Variants in UBR4 observed in about 807,000 individuals in gnomAD.
UBR4 encodes the protein E3 ubiquitin-protein ligase UBR4.
Under a neutral mutation model 575.6 loss-of-function variants are expected in UBR4, and 124 were observed. The observed-to-expected ratio is 0.22, with a 90% CI of 0.19 to 0.25. The LOEUF (loss-of-function observed/expected upper bound fraction) is 0.25. Ranked by LOEUF, UBR4 falls within the 10% of genes least tolerant of loss-of-function variation. The probability of loss-of-function intolerance (pLI) is 1.00; values close to 1 mark genes in which losing one functional copy is unlikely to be tolerated. For synonymous variants in UBR4, 2,455 were observed against 2,473.7 expected (o/e 0.99, Z 0.22); for missense variants, 4,818 against 6,478.8 (o/e 0.74, Z 8.80).
chr1:19,170,896 CA>C lies in UBR4; in HGVS notation c.3522-14del. 6.2e-7 allele frequency: 1 copy of C among 1,614,062 alleles called. No individual in the cohort carries two copies. Among genetic ancestry groups the C allele is most frequent in the South Asian group, 1.1e-5 (1 of 91,078 alleles). On this transcript the variant is annotated splice_polypyrimidine_tract_variant and intron_variant, in intron 25 of 105. Transcript: ENST00000375254. ...CAGCAAATAGGCTCTGGGGAAAAAA[CA>C]GGGGGAAAGTGAAGCCATAAGATTC...
rs576486499 is a variant in UBR4, at chr1:19,083,801, G to A, written c.15008+703C>T. Reference sequence around the variant, plus strand: ...TCCCAAGTGCTGGGATGACAGGCGTGAGCCACCGTGCCTGGCCTAAGTGCT... The same window carrying A: ...TCCCAAGTGCTGGGATGACAGGCGTAAGCCACCGTGCCTGGCCTAAGTGCT... On this transcript the variant is annotated intron_variant, in intron 102 of 105. Transcript: ENST00000375254. 3.9e-5 allele frequency among the ~76,000 whole-genome samples: 6 copies of A among 152,342 alleles called. No individual in the cohort carries two copies. In the South Asian group the frequency reaches 8.3e-4, roughly 21 times the overall value.
At chr1:19,086,621 G>A (rs1289004887) in intron 100 of UBR4, 58 bp downstream of exon 100, 16 of 1,595,920 alleles carry the variant, frequency 1.0e-5, no homozygotes, top group African/African-American at 2.7e-5. Flanking sequence ...AGTCCCACCC[G>A]CTCCAGGCCC....
At chr1:19,183,780 T>A in intron 17 of UBR4, 31 bp downstream of exon 17, 1 of 1,606,424 alleles carries the variant, frequency 6.2e-7, no homozygotes, top group Non-Finnish European at 8.5e-7. Flanking sequence ...TGTCATGAGC[T>A]CTTGCCTAGA....
At chr1:19,114,634 C>A (rs551110666) in intron 75 of UBR4, among the ~76,000 whole-genome samples, 177 bp downstream of exon 75, 94 of 152,364 alleles carry the variant, frequency 6.2e-4, no homozygotes, top group African/African-American at 2.2e-3. Flanking sequence ...CAAACCATGT[C>A]TTTCAATACA....
At chr1:19,177,406 A>G in intron 19 of UBR4, 55 bp downstream of exon 19, 1 of 1,587,552 alleles carries the variant, frequency 6.3e-7, no homozygotes, top group Non-Finnish European at 8.6e-7. Context: ...GTAACCATTG[A>G]GAAGAATAAA....
At chr1:19,151,499 A>C in intron 48 of UBR4, 144 bp downstream of exon 48, 1 of 866,330 alleles carries the variant, frequency 1.2e-6, no homozygotes, top group Non-Finnish European at 1.9e-6. Context: ...TAATACATCA[A>C]ATGAAGCTCA....
At chr1:19,144,994 C>A in intron 53 of UBR4, 87 bp from the exon 54 acceptor site, 1 of 1,507,764 alleles carries the variant, frequency 6.6e-7, no homozygotes, top group Admixed American at 1.8e-5. Flanking sequence ...AACCTTTTAT[C>A]TCCATGTAAA....
chr1:19,102,229 G>C (rs914505414), intron 87 of UBR4, among the ~76,000 whole-genome samples: 2 of 152,198 alleles, frequency 1.3e-5, no homozygotes, highest in African/African-American at 2.4e-5. Context: ...GCTGGGCGTG[G>C]TGGCACACGC....
At position 19,165,232 on chromosome 1, in the gene UBR4, T is replaced by C. The variant is rs2088140451; in HGVS notation, c.4312+17A>G. The stretch of plus-strand genomic sequence containing the variant: ...ATCAAAGTTCCCATAAGAAGATTAC[T>C]AAAAGCTGTCACTCACTCAGCTGGA... On this transcript the variant is annotated intron_variant, in intron 31 of 105. Transcript: ENST00000375254. The C allele has an allele frequency of 1.2e-6, 2 of 1,607,706 alleles. No homozygotes were observed.
Position 19,157,448 on chromosome 1 carries a change from G to A in UBR4, c.5760+367C>T, listed in dbSNP as rs910589727. On this transcript the variant is annotated intron_variant, in intron 40 of 105. Coordinates refer to ENST00000375254, the MANE Select transcript of UBR4 (RefSeq NM_020765.3). This position sits in a 1 kb window ranked among gnomAD's most constrained non-coding sequence, Gnocchi z 4.4. ...GGCAGCACTACATAAGCAACACTGA[G>A]TGTTCCTATGAAAACTTTTGTCTCT... Among the ~76,000 whole-genome samples the A allele has an allele frequency of 5.9e-5, 9 of 152,322 alleles. No individual in the cohort carries two copies. In the South Asian group the frequency reaches 6.2e-4, roughly 11 times the overall value.
rs944066973 is a variant in UBR4 at position 19,109,995 on chromosome 1, C to T, written c.12105+101G>A. The stretch of plus-strand genomic sequence containing the variant: ...TGGAGCCTCTCAGGGGAGGTGGGCT[C>T]AAGGCAAAGCGGAGACCATGAGGAG... On this transcript the variant is annotated intron_variant, in intron 81 of 105. Coordinates refer to ENST00000375254, the MANE Select transcript of UBR4 (RefSeq NM_020765.3). The T allele has an allele frequency of 5.1e-6, 8 of 1,563,674 alleles. No homozygotes were observed. In the Admixed American group the frequency reaches 7.0e-5, roughly 14 times the overall value.
At chr1:19,196,307 C>A (rs1272931120) in intron 8 of UBR4, among the ~76,000 whole-genome samples, 1 of 152,196 alleles carries the variant, frequency 6.6e-6, no homozygotes, top group Admixed American at 6.5e-5. Context: ...CCTATTCACA[C>A]ACAGATGTTC....
chr1:19,122,134 C>A, intron 66 of UBR4, 122 bp from the exon 67 acceptor site: 1 of 938,644 alleles, frequency 1.1e-6, no homozygotes, highest in Non-Finnish European at 1.7e-6. Flanking sequence ...ATCTTCTGAG[C>A]AAGGCAGATG....
intron 28 of UBR4, among the ~76,000 whole-genome samples, chr1:19,167,559 A>G (rs2150751089): frequency 6.6e-6 from 1 of 152,334 alleles, no homozygotes; most frequent in East Asian, 1.9e-4. Context: ...CATCCCAGAC[A>G]AGCCTTCTAG....
Position 19,210,169 on chromosome 1 carries a change from G to T in UBR4, c.80C>A (p.Pro27Gln). The change falls in exon 1 of 106, where the codon CCG becomes CAG. Residue 27 changes from proline (P) to glutamine (Q), a missense_variant. Pro to Gln is a moderately conservative substitution (Grantham distance 76). Around this residue, in one of 29 missense-constraint regions of UBR4, gnomAD observed 95 missense variants for 87.7 expected, o/e 1.08. Coordinates refer to ENST00000375254, the MANE Select transcript of UBR4 (RefSeq NM_020765.3). ...GGGCCGCACAGCCACCTCCCAGCCC[G>T]GGGTCGTGTCCGCCCCCGTTGCCGG... is the stretch of plus-strand genomic sequence containing the variant. ...GTPATGADTTPGWEVAVRPLL... is the reference protein window; with the variant it reads ...GTPATGADTTQGWEVAVRPLL... The T allele has an allele frequency of 6.5e-7, 1 of 1,546,548 alleles. No individual in the cohort carries two copies. Among genetic ancestry groups the T allele is most frequent in the Non-Finnish European group, 8.7e-7 (1 of 1,150,500 alleles).
chr1:19,190,155 A>G (rs1420470194), intron 11 of UBR4, among the ~76,000 whole-genome samples: 1 of 151,318 alleles, frequency 6.6e-6, no homozygotes, highest in Non-Finnish European at 1.5e-5. Context: ...TCAGCTGGGC[A>G]TGGTGGTACA....
At chr1:19,182,264 T>A (rs1571558019) in intron 17 of UBR4, among the ~76,000 whole-genome samples, 1 of 152,152 alleles carries the variant, frequency 6.6e-6, no homozygotes, top group South Asian at 2.1e-4. Flanking sequence ...TGAACATGGG[T>A]GGATAAACAC....
chr1:19,180,078 C>T (rs76265105), intron 17 of UBR4, among the ~76,000 whole-genome samples: 3,047 of 152,248 alleles, frequency 0.02, 115 homozygotes, highest in African/African-American at 0.069. Flanking sequence ...GTTGTCACAC[C>T]GGATGTGCCA....
At chr1:19,134,263 TAAATAAATAA>T (rs779050516) in intron 60 of UBR4, among the ~76,000 whole-genome samples, 6 of 144,360 alleles carry the variant, frequency 4.2e-5, no homozygotes, top group African/African-American at 1.3e-4. Context: ...CAAAAATAAA[TAAATAAATAA>T]AAATAAATAA....
Sources: allele counts gnomAD v4.1 joint callset (sites outside exome capture counted in the v4.1 genomes callset), GRCh38; gene constraint gnomAD v4.1.1; regional missense constraint gnomAD v4.1.1; non-coding constraint Gnocchi (gnomAD v3.1); transcripts MANE v1.5; gene names NCBI Gene and HGNC (gene_info 2026-07-23, HGNC 2026-07-21).